The following FILIP1 variants were observed in gnomAD, a reference collection of about 807,000 sequenced individuals.
FILIP1 encodes filamin-A-interacting protein 1.
A neutral mutation model predicts 102.1 loss-of-function variants in FILIP1; 61 were observed. The observed-to-expected ratio is 0.60, with a 90% CI of 0.49 to 0.74. The LOEUF is 0.74. Ranked by LOEUF, FILIP1 falls within the 30% of genes least tolerant of loss-of-function variation. The pLI, the probability that FILIP1 is intolerant of heterozygous loss-of-function variation, is 0.00. For synonymous variants in FILIP1, 491 were observed against 526.9 expected, an observed-to-expected ratio of 0.93 and a Z score of 0.93; for missense variants, 1,314 against 1,441.2, an observed-to-expected ratio of 0.91 and a Z score of 1.43.
In FILIP1 at chr6:75,479,744, C is replaced by T. The variant is rs182988113; in HGVS notation, c.-7+13670G>A. Among the ~76,000 whole-genome samples the T allele has an allele frequency of 8.3e-3, 1,257 of 151,996 alleles. 23 individuals are homozygous for T. The highest frequency in any genetic ancestry group is 0.029 in the African/African-American group (1,204 of 41,480). ...ATTAGCCTGGCGTGGTGGCACATGC[C>T]TGTAATCCCAGCTCCTCGCGAGGCT... On this transcript the variant is annotated intron_variant, in intron 1 of 5. Transcript: ENST00000237172.
intron 2 of FILIP1, among the ~76,000 whole-genome samples, chr6:75,379,991 G>C (rs1409566461): frequency 6.6e-6 from 1 of 151,966 alleles, no homozygotes; most frequent in Admixed American, 6.6e-5. Context: ...ATTTTTTGTT[G>C]TTTGTTCAAC....
chr6:75,308,975 G>T, intron 5 of FILIP1, 78 bp from the exon 6 acceptor site: 2 of 1,497,214 alleles, frequency 1.3e-6, no homozygotes, highest in Non-Finnish European at 1.8e-6. Context: ...CTGAACATTA[G>T]TGGGACTCTT....
intron 1 of FILIP1, among the ~76,000 whole-genome samples, chr6:75,437,286 T>A (rs1778058533): frequency 6.6e-6 from 1 of 152,166 alleles, no homozygotes; most frequent in Non-Finnish European, 1.5e-5. Flanking sequence ...TATGTGACAA[T>A]AAGCTAGGGA....
intron 1 of FILIP1, among the ~76,000 whole-genome samples, chr6:75,423,592 A>T (rs1051483929): frequency 6.6e-6 from 1 of 152,174 alleles, no homozygotes; most frequent in Admixed American, 6.6e-5. Context: ...GATAAGATGC[A>T]CTGAAAACTG....
At chr6:75,422,121 T>C (rs1477214523) in intron 1 of FILIP1, among the ~76,000 whole-genome samples, 1 of 152,192 alleles carries the variant, frequency 6.6e-6, no homozygotes, top group African/African-American at 2.4e-5. Context: ...GGTGATGACA[T>C]AATGACATAA....
At chr6:75,492,228 CTATA>C (rs1350410474) in intron 1 of FILIP1, among the ~76,000 whole-genome samples, 2 of 152,066 alleles carry the variant, frequency 1.3e-5, no homozygotes, top group Non-Finnish European at 2.9e-5. Flanking sequence ...TGAGCATATG[CTATA>C]TAAGCTTTAA....
At chr6:75,407,549 C>T (rs1272387815) in intron 2 of FILIP1, among the ~76,000 whole-genome samples, 3 of 152,148 alleles carry the variant, frequency 2.0e-5, no homozygotes, top group African/African-American at 4.8e-5. Flanking sequence ...TTGAAGTATA[C>T]AACACCTCTT....
At chr6:75,384,790 A>C (rs983782810) in intron 2 of FILIP1, 2 of 145,906 alleles carry the variant, frequency 1.4e-5, no homozygotes, top group South Asian at 2.1e-4. Flanking sequence ...AAAAAATTTA[A>C]TTGCTTTTTT....
At chr6:75,316,729 C>G (rs555553338) in intron 4 of FILIP1, among the ~76,000 whole-genome samples, 1 of 151,986 alleles carries the variant, frequency 6.6e-6, no homozygotes, top group East Asian at 1.9e-4. Context: ...TGACTTTATT[C>G]CTAAAATAGG....
chr6:75,386,359 ATAT>A (rs1776095854), intron 2 of FILIP1: 1 of 152,196 alleles, frequency 6.6e-6, no homozygotes, highest in Non-Finnish European at 1.5e-5. Flanking sequence ...TTGTTAAATA[ATAT>A]TATGGGAATA....
chr6:75,380,349 A>C (rs1258623126), intron 2 of FILIP1, among the ~76,000 whole-genome samples: 1 of 152,162 alleles, frequency 6.6e-6, no homozygotes, highest in African/African-American at 2.4e-5. Flanking sequence ...TAGACAGTTC[A>C]CTAAAGAGAT....
intron 1 of FILIP1, among the ~76,000 whole-genome samples, chr6:75,480,742 T>C (rs1779629076): frequency 6.6e-6 from 1 of 152,230 alleles, no homozygotes; most frequent in Non-Finnish European, 1.5e-5. Context: ...AGTCACTGTT[T>C]AGAAAAAATA....
At chr6:75,406,032 T>C (rs1322856532) in intron 2 of FILIP1, among the ~76,000 whole-genome samples, 1 of 152,204 alleles carries the variant, frequency 6.6e-6, no homozygotes, top group African/African-American at 2.4e-5. Context: ...CTCTGACAAA[T>C]GTTCCCAATG....
chr6:75,375,833 CT>C (rs1470110205), intron 2 of FILIP1, among the ~76,000 whole-genome samples: 2 of 152,184 alleles, frequency 1.3e-5, no homozygotes, highest in African/African-American at 2.4e-5. Context: ...GAATTCTACA[CT>C]TACACATTTG....
intron 4 of FILIP1, among the ~76,000 whole-genome samples, chr6:75,322,511 A>G (rs1773697044): frequency 6.6e-6 from 1 of 152,226 alleles, no homozygotes; most frequent in East Asian, 1.9e-4. Flanking sequence ...CAGCAGTCAC[A>G]GGTAGAGCCC....
intron 1 of FILIP1, among the ~76,000 whole-genome samples, chr6:75,441,890 C>T (rs1231354647): frequency 1.4e-5 from 2 of 146,156 alleles, no homozygotes; most frequent in South Asian, 4.4e-4. Context: ...GGGGGTAGAC[C>T]CCCCCACCTC....
Position 75,330,373 on chromosome 6 carries a change from G to A in FILIP1, c.630-15171C>T, listed in dbSNP as rs1008093897. On this transcript the variant is annotated intron_variant, in intron 4 of 5. Coordinates refer to ENST00000237172, the MANE Select transcript of FILIP1 (RefSeq NM_015687.5). Reference sequence around the variant, plus strand: ...TTGTTTTGTATTTCTTAGCAGTGAAGATGAGTTTACAAAAGCCCTCGTACA... The same window carrying A: ...TTGTTTTGTATTTCTTAGCAGTGAAAATGAGTTTACAAAAGCCCTCGTACA... 2.6e-5 allele frequency among the ~76,000 whole-genome samples: 4 copies of A among 152,116 alleles called. No individual in the cohort carries two copies. The East Asian group carries it at 5.8e-4, about 22-fold the overall frequency.
chr6:75,457,691 C>G (rs1202537895), intron 1 of FILIP1, among the ~76,000 whole-genome samples: 1 of 151,528 alleles, frequency 6.6e-6, no homozygotes, highest in African/African-American at 2.4e-5. Flanking sequence ...TTAGCCTTCT[C>G]AGAGAGAAAT....
intron 5 of FILIP1, among the ~76,000 whole-genome samples, chr6:75,309,199 C>T (rs1359698337): frequency 6.6e-6 from 1 of 152,100 alleles, no homozygotes; most frequent in Non-Finnish European, 1.5e-5. Flanking sequence ...TAAATATAGA[C>T]CACCAGGCAA....
Sources: allele counts gnomAD v4.1 joint callset (sites outside exome capture counted in the v4.1 genomes callset), GRCh38; gene constraint gnomAD v4.1.1; transcripts MANE v1.5; gene names NCBI Gene and HGNC (gene_info 2026-07-23, HGNC 2026-07-21).